Variants in C1orf87 observed in about 807,000 individuals in gnomAD.
The protein encoded by C1orf87 is chromosome 1 open reading frame 87, also known as uncharacterized protein C1orf87.
In C1orf87, 58 loss-of-function variants were observed where a neutral mutation model predicts 60.5. The ratio of observed to expected loss-of-function variants is 0.96; its 90% CI spans 0.78 to 1.19. The LOEUF is 1.19. Among genes scored for constraint, C1orf87 ranks in the 50% most tolerant of loss-of-function variants. The probability of loss-of-function intolerance (pLI) is 0.00; values close to 1 mark genes in which losing one functional copy is unlikely to be tolerated. For missense variants in C1orf87, 673 were observed against 638.6 expected (o/e 1.05, Z -0.58); for synonymous variants, 236 against 227.4 (o/e 1.04, Z -0.34).
At chr1:60,051,761 G>T (rs920808387) in intron 3 of C1orf87, among the ~76,000 whole-genome samples, 2 of 152,210 alleles carry the variant, frequency 1.3e-5, no homozygotes, top group East Asian at 1.9e-4. Flanking sequence ...ATGGTGGTCT[G>T]ATTAAGGTGA....
At chr1:60,035,597 T>C (rs570213124) in intron 6 of C1orf87, among the ~76,000 whole-genome samples, 38 of 152,364 alleles carry the variant, frequency 2.5e-4, no homozygotes, top group Middle Eastern at 3.4e-3. Context: ...AGTCCTGTAT[T>C]TCTACAAACA....
At chr1:60,053,221 A>G (rs1395537992) in intron 3 of C1orf87, among the ~76,000 whole-genome samples, 1 of 152,220 alleles carries the variant, frequency 6.6e-6, no homozygotes, top group Non-Finnish European at 1.5e-5. Flanking sequence ...AAGTGCCCAT[A>G]AGGCGTTTGT....
At position 60,025,393 on chromosome 1, in the gene C1orf87, T is replaced by A; in HGVS notation, c.1127+8A>T. On this transcript the variant is annotated splice_region_variant and intron_variant, in intron 8 of 11. Coordinates refer to ENST00000371201, the MANE Select transcript of C1orf87 (RefSeq NM_152377.3). Reference sequence around the variant, plus strand: ...CAAACATTCAGTTCTTAATAAGAGTTGACTTACTTTATTTCATTTTGGTAA... The same window carrying A: ...CAAACATTCAGTTCTTAATAAGAGTAGACTTACTTTATTTCATTTTGGTAA... 6.2e-7 allele frequency: 1 copy of A among 1,602,926 alleles called. No individual in the cohort carries two copies.
chr1:60,057,326 T>C (rs1025470427), intron 2 of C1orf87, among the ~76,000 whole-genome samples: 7 of 151,910 alleles, frequency 4.6e-5, no homozygotes, highest in Admixed American at 1.3e-4. Context: ...CTGAAGTGGA[T>C]TGAAGAAAGA....
At chr1:60,016,545 C>T (rs775145011) in intron 8 of C1orf87, among the ~76,000 whole-genome samples, 12 of 152,242 alleles carry the variant, frequency 7.9e-5, no homozygotes, top group East Asian at 3.9e-4. Flanking sequence ...GAAATCTAAA[C>T]AAATGAATTT....
intron 2 of C1orf87, among the ~76,000 whole-genome samples, chr1:60,059,792 G>A (rs1288492784): frequency 6.6e-6 from 1 of 152,166 alleles, no homozygotes; most frequent in African/African-American, 2.4e-5. Context: ...ATTTCCAACT[G>A]TGCGCCATCT....
At chr1:60,056,975 A>G (rs1305458540) in intron 2 of C1orf87, among the ~76,000 whole-genome samples, 1 of 152,210 alleles carries the variant, frequency 6.6e-6, no homozygotes, top group African/African-American at 2.4e-5. Context: ...ATGGGCAATA[A>G]TTTGAATATA....
intron 11 of C1orf87, among the ~76,000 whole-genome samples, chr1:59,992,963 G>T (rs550927192): frequency 6.6e-6 from 1 of 152,074 alleles, no homozygotes; most frequent in Non-Finnish European, 1.5e-5. Flanking sequence ...TTGCATCTTC[G>T]AAGTTTTCTG....
chr1:60,064,329 A>T (rs1182529802), intron 2 of C1orf87, among the ~76,000 whole-genome samples: 1 of 142,482 alleles, frequency 7.0e-6, no homozygotes, highest in Non-Finnish European at 1.5e-5. Context: ...TATATATTAT[A>T]TATACTATAT....
chr1:60,000,188 G>T (rs1012178942), intron 10 of C1orf87, among the ~76,000 whole-genome samples: 2 of 152,136 alleles, frequency 1.3e-5, no homozygotes, highest in Non-Finnish European at 1.5e-5. Context: ...TAGGAAACTT[G>T]CTTTACCAGA....
At chr1:60,064,884 A>T (rs1257006581) in intron 2 of C1orf87, among the ~76,000 whole-genome samples, 1 of 93,240 alleles carries the variant, frequency 1.1e-5, no homozygotes, top group Non-Finnish European at 1.9e-5. Context: ...TATTTGTTCT[A>T]AATAAATATA....
At chr1:59,994,478 T>C (rs1644949505) in intron 11 of C1orf87, among the ~76,000 whole-genome samples, 1 of 152,178 alleles carries the variant, frequency 6.6e-6, no homozygotes, top group African/African-American at 2.4e-5. Flanking sequence ...TGATGTAGTA[T>C]ATGTAAAGTC....
intron 3 of C1orf87, 22 bp downstream of exon 3, chr1:60,055,180 ACG>A: frequency 6.5e-7 from 1 of 1,546,396 alleles, no homozygotes; most frequent in Non-Finnish European, 8.9e-7. Context: ...ATCAAGATAA[ACG>A]TGGGTATTTT....
At chr1:60,021,223 G>A (rs1277084459) in intron 8 of C1orf87, among the ~76,000 whole-genome samples, 2 of 152,150 alleles carry the variant, frequency 1.3e-5, no homozygotes, top group Non-Finnish European at 2.9e-5. Flanking sequence ...AGTTCCTGTA[G>A]TTCCTTATAG....
At chr1:59,991,091 C>A (rs1418962776) in intron 11 of C1orf87, among the ~76,000 whole-genome samples, 7 of 152,178 alleles carry the variant, frequency 4.6e-5, no homozygotes, top group Non-Finnish European at 8.8e-5. Flanking sequence ...TAGATAAATT[C>A]TAAAGCAATT....
At chr1:60,014,709 TC>T (rs1435188913) in intron 8 of C1orf87, among the ~76,000 whole-genome samples, 1 of 152,174 alleles carries the variant, frequency 6.6e-6, no homozygotes. Flanking sequence ...CCATTACCTT[TC>T]TTTGCCTCCT....
At chr1:60,037,108 A>C (rs1350377578) in intron 6 of C1orf87, among the ~76,000 whole-genome samples, 1 of 152,260 alleles carries the variant, frequency 6.6e-6, no homozygotes, top group African/African-American at 2.4e-5. Context: ...GAAAACTCTG[A>C]GCACAAGCCA....
rs1187149435 is a variant in C1orf87, at chr1:60,001,230, G to GCAA, written c.1193-77_1193-75dup. 12 of 1,026,614 alleles carry GCAA rather than the reference G, an allele frequency of 1.2e-5. No individual in the cohort carries two copies. In the East Asian group the frequency reaches 2.9e-4, roughly 25 times the overall value. 63.6% of individuals were successfully genotyped at this position (1,026,614 alleles called of 1,614,324 possible). A position where few individuals can be genotyped will look rare whatever the true frequency, so the allele number is the denominator to read the frequency against. On this transcript the variant is annotated intron_variant, in intron 9 of 11. Coordinates refer to ENST00000371201, the MANE Select transcript of C1orf87 (RefSeq NM_152377.3). ...CATTTAACACACACATATACACAAG[G>GCAA]CAACAACAACAGCAACAACAAAAAA... is the stretch of plus-strand genomic sequence containing the variant.
intron 9 of C1orf87, among the ~76,000 whole-genome samples, chr1:60,001,963 G>T (rs2100243420): frequency 6.6e-6 from 1 of 152,218 alleles, no homozygotes; most frequent in South Asian, 2.1e-4. Context: ...GAAATCCTCT[G>T]AGCCTTATTG....
Sources: allele counts gnomAD v4.1 joint callset (sites outside exome capture counted in the v4.1 genomes callset), GRCh38; gene constraint gnomAD v4.1.1; transcripts MANE v1.5; gene names NCBI Gene and HGNC (gene_info 2026-07-23, HGNC 2026-07-21).